AUTS2: variants seen among roughly 807,000 people sequenced by gnomAD.
AUTS2 encodes the protein autism susceptibility gene 2 protein.
In AUTS2, 17 loss-of-function variants were observed where a neutral mutation model predicts 112.4. The observed-to-expected ratio is 0.15, with a 90% confidence interval of 0.10 to 0.23. The LOEUF (loss-of-function observed/expected upper bound fraction) is 0.23. AUTS2 is among the 10% of genes least tolerant of loss of function. The probability of loss-of-function intolerance (pLI) is 1.00; values close to 1 mark genes in which losing one functional copy is unlikely to be tolerated. For missense variants in AUTS2, 1,510 were observed against 1,701.6 expected (o/e 0.89, Z 1.98); for synonymous variants, 751 against 702.7 (o/e 1.07, Z -1.09).
chr7:69,615,262 A>G (rs907043970), intron 1 of AUTS2, among the ~76,000 whole-genome samples: 34 of 152,116 alleles, frequency 2.2e-4, no homozygotes, highest in Admixed American at 1.0e-3. Flanking sequence ...ACTTCAGGGT[A>G]GTGGGTGCCA....
chr7:70,475,124 G>A (rs976636351), intron 5 of AUTS2, among the ~76,000 whole-genome samples: 1 of 152,198 alleles, frequency 6.6e-6, no homozygotes, highest in Non-Finnish European at 1.5e-5. Flanking sequence ...GATGTGTGGA[G>A]GGCCTCCTGT....
At chr7:70,395,929 T>G (rs1252229022) in intron 4 of AUTS2, among the ~76,000 whole-genome samples, 2 of 152,226 alleles carry the variant, frequency 1.3e-5, no homozygotes, top group Admixed American at 6.5e-5. Context: ...CCTGTTTGTT[T>G]TACACATACA....
At chr7:70,148,279 C>T (rs1459762449) in intron 4 of AUTS2, among the ~76,000 whole-genome samples, 1 of 152,084 alleles carries the variant, frequency 6.6e-6, no homozygotes, top group Non-Finnish European at 1.5e-5. Flanking sequence ...TTTTAAAACA[C>T]TTCATTTCAG....
intron 1 of AUTS2, among the ~76,000 whole-genome samples, chr7:69,868,641 G>A (rs1793344471): frequency 6.6e-6 from 1 of 152,152 alleles, no homozygotes; most frequent in African/African-American, 2.4e-5. Context: ...TTTTTACCAA[G>A]CCTGTGCATA....
chr7:69,855,553 C>T (rs1792682593), intron 1 of AUTS2, among the ~76,000 whole-genome samples: 1 of 152,148 alleles, frequency 6.6e-6, no homozygotes, highest in Non-Finnish European at 1.5e-5. Context: ...TCTTCCTTTA[C>T]AGGGTTTCAG....
intron 4 of AUTS2, among the ~76,000 whole-genome samples, chr7:70,356,425 C>A (rs1189778039): frequency 1.3e-5 from 2 of 152,216 alleles, no homozygotes; most frequent in Non-Finnish European, 2.9e-5. Flanking sequence ...TGTGGCATAA[C>A]TTGCTTGTCA....
intron 2 of AUTS2, among the ~76,000 whole-genome samples, chr7:69,929,161 ACTTTTT>A (rs1263837271): frequency 6.6e-6 from 1 of 152,064 alleles, no homozygotes. Flanking sequence ...TTGGACAGTT[ACTTTTT>A]CTTTTAGTAA....
intron 2 of AUTS2, among the ~76,000 whole-genome samples, chr7:69,920,955 C>T (rs1043025465): frequency 2.0e-5 from 3 of 152,116 alleles, no homozygotes; most frequent in African/African-American, 4.8e-5. Context: ...GTGAATGATA[C>T]GTGCTTAATT....
chr7:70,002,662 C>CAGTG (rs1204984508), intron 2 of AUTS2, among the ~76,000 whole-genome samples: 1 of 152,134 alleles, frequency 6.6e-6, no homozygotes, highest in African/African-American at 2.4e-5. Context: ...ACGACACTTA[C>CAGTG]AGTGAGTCAG....
intron 4 of AUTS2, among the ~76,000 whole-genome samples, chr7:70,163,747 G>A (rs929869925): frequency 8.5e-5 from 13 of 152,166 alleles, no homozygotes; most frequent in Admixed American, 3.9e-4. Context: ...TGGCTTCCCC[G>A]TGGGAGGGAT....
intron 1 of AUTS2, among the ~76,000 whole-genome samples, chr7:69,680,653 T>C (rs113167930): frequency 1.8e-4 from 27 of 152,278 alleles, no homozygotes; most frequent in African/African-American, 6.5e-4. Flanking sequence ...TTTCTCTTTC[T>C]ATGAATCTGA....
intron 2 of AUTS2, among the ~76,000 whole-genome samples, chr7:70,067,145 T>C (rs1802534790): frequency 6.6e-6 from 1 of 152,234 alleles, no homozygotes; most frequent in Non-Finnish European, 1.5e-5. Context: ...TTATGATGCA[T>C]TTTGGATTAC....
intron 1 of AUTS2, among the ~76,000 whole-genome samples, chr7:69,813,192 T>G (rs1041389431): frequency 8.6e-5 from 13 of 151,998 alleles, no homozygotes; most frequent in African/African-American, 2.7e-4. Flanking sequence ...CAACTCAGAG[T>G]CTTTGCATTA....
At chr7:69,954,147 CTAAT>C (rs759575879) in intron 2 of AUTS2, among the ~76,000 whole-genome samples, 1 of 152,052 alleles carries the variant, frequency 6.6e-6, no homozygotes, top group Non-Finnish European at 1.5e-5. Flanking sequence ...CAAAATCAAA[CTAAT>C]CAATCACTCC....
chr7:70,332,098 A>T (rs1455000603), intron 4 of AUTS2, among the ~76,000 whole-genome samples: 1 of 152,246 alleles, frequency 6.6e-6, no homozygotes, highest in East Asian at 1.9e-4. Context: ...TAAGCAGATA[A>T]GCAACTTCAG....
intron 1 of AUTS2, among the ~76,000 whole-genome samples, chr7:69,614,368 T>TTTTCTTTCTTTTCTTTCTTTCTTTC (rs1793239736): frequency 2.2e-3 from 43 of 19,490 alleles, no homozygotes; most frequent in African/African-American, 2.8e-3. Context: ...TTCTTTCTTT[T>TTTTCTTTCTTTTCTTTCTTTCTTTC]TTTAAGAGAT....
chr7:69,839,230 G>A (rs1011169264), intron 1 of AUTS2, among the ~76,000 whole-genome samples: 1 of 152,040 alleles, frequency 6.6e-6, no homozygotes, highest in Non-Finnish European at 1.5e-5. Flanking sequence ...CTTTCTTTTT[G>A]CTTGGACATT....
intron 1 of AUTS2, among the ~76,000 whole-genome samples, chr7:69,689,639 C>CA (rs1562812645): frequency 9.6e-4 from 129 of 133,810 alleles, no homozygotes; most frequent in Admixed American, 2.3e-3. Context: ...CGCACCCGGC[C>CA]TTTTATTTAT....
chr7:69,737,371 T>G (rs75548502), intron 1 of AUTS2, among the ~76,000 whole-genome samples: 5,631 of 152,276 alleles, frequency 0.037, 186 homozygotes, highest in Middle Eastern at 0.082. Context: ...ATTGTATAGA[T>G]GAGGAAGAAA....
Sources: gnomAD v4.1 joint callset for allele counts (sites outside exome capture counted in the v4.1 genomes callset) on GRCh38, gnomAD v4.1.1 for gene constraint, MANE v1.5 for transcripts, NCBI Gene and HGNC (gene_info 2026-07-23, HGNC 2026-07-21) for gene names.